Variants in CFAP61 observed in about 807,000 individuals in gnomAD.
CFAP61 encodes cilia and flagella associated protein 61.
In CFAP61, 107 loss-of-function variants were observed where a neutral mutation model predicts 135.6. The observed-to-expected ratio is 0.79, with a 90% CI of 0.67 to 0.93. The LOEUF (loss-of-function observed/expected upper bound fraction) is 0.93. Among genes scored for constraint, CFAP61 ranks in the 40% least tolerant of loss-of-function variants. The pLI, the probability that CFAP61 is intolerant of heterozygous loss-of-function variation, is 0.00. For synonymous variants in CFAP61, 575 were observed against 578.5 expected (o/e 0.99, Z 0.09); for missense variants, 1,507 against 1,556.2 (o/e 0.97, Z 0.53).
chr20:20,206,666 T>A (rs1024151716), intron 17 of CFAP61, among the ~76,000 whole-genome samples: 3 of 152,144 alleles, frequency 2.0e-5, no homozygotes, highest in Non-Finnish European at 4.4e-5. Flanking sequence ...CATGAGTTGA[T>A]GACATTTGAG....
At chr20:20,170,532 A>G (rs1312391700) in intron 13 of CFAP61, among the ~76,000 whole-genome samples, 1 of 152,196 alleles carries the variant, frequency 6.6e-6, no homozygotes, top group Non-Finnish European at 1.5e-5. Context: ...TTTTTACAAA[A>G]TGTTCTGAGG....
chr20:20,144,475 A>C (rs968257682), intron 9 of CFAP61, among the ~76,000 whole-genome samples: 4 of 152,206 alleles, frequency 2.6e-5, no homozygotes, highest in Non-Finnish European at 5.9e-5. Context: ...TGCAGATGAA[A>C]GATTAGTGAA....
chr20:20,202,294 C>T (rs1034702412), intron 17 of CFAP61, among the ~76,000 whole-genome samples: 1 of 152,156 alleles, frequency 6.6e-6, no homozygotes, highest in Admixed American at 6.5e-5. Flanking sequence ...CTACCTGCTG[C>T]TCGTGCTATT....
At chr20:20,182,471 A>G (rs2055174939) in intron 13 of CFAP61, among the ~76,000 whole-genome samples, 1 of 151,976 alleles carries the variant, frequency 6.6e-6, no homozygotes, top group Admixed American at 6.6e-5. Context: ...TTATTTCTCA[A>G]AATATGGTCT....
At chr20:20,188,093 AC>A in intron 14 of CFAP61, 37 bp downstream of exon 14, 1 of 1,610,706 alleles carries the variant, frequency 6.2e-7, no homozygotes, top group Non-Finnish European at 8.5e-7. Flanking sequence ...AGGATATGGG[AC>A]CATTATGATG....
intron 25 of CFAP61, among the ~76,000 whole-genome samples, chr20:20,314,707 C>T (rs867555163): frequency 1.3e-3 from 161 of 123,622 alleles, no homozygotes; most frequent in Middle Eastern, 0.012. Context: ...CCACAACAGT[C>T]CCCAGAGTGT....
chr20:20,240,504 T>A (rs12625293), intron 18 of CFAP61, among the ~76,000 whole-genome samples: 9,944 of 151,758 alleles, frequency 0.066, 364 homozygotes, highest in Middle Eastern at 0.13. Context: ...GTACTCTCCT[T>A]CCCTCTTTGT....
intron 9 of CFAP61, among the ~76,000 whole-genome samples, chr20:20,151,918 T>C (rs1269518745): frequency 1.3e-5 from 2 of 150,470 alleles, no homozygotes; most frequent in East Asian, 3.9e-4. Context: ...CATCAGGTTA[T>C]CTAAAGTCAA....
At chr20:20,090,580 C>T (rs1046293346) in intron 6 of CFAP61, among the ~76,000 whole-genome samples, 3 of 151,060 alleles carry the variant, frequency 2.0e-5, no homozygotes, top group African/African-American at 7.3e-5. Context: ...GTCCCACCTA[C>T]TCGGGAGGCT....
chr20:20,224,764 G>C (rs949033936), intron 17 of CFAP61, among the ~76,000 whole-genome samples: 9 of 152,178 alleles, frequency 5.9e-5, no homozygotes, highest in African/African-American at 2.2e-4. Flanking sequence ...GAAATGTCTT[G>C]AAAGGATGTG....
Position 20,359,222 on chromosome 20 carries a change from A to T in CFAP61, c.3514-988A>T, listed in dbSNP as rs548564749. ...CTTTCTGAGCCCTACCTTTTTAAAT[A>T]TATCAATAAAATTTGACTTGATTGT... On this transcript the variant is annotated intron_variant, in intron 26 of 26. Coordinates refer to ENST00000245957, the MANE Select transcript of CFAP61 (RefSeq NM_015585.4). This position sits in a 1 kb window ranked among gnomAD's most constrained non-coding sequence, Gnocchi z 4.0. Among the ~76,000 whole-genome samples, 16 of 152,304 alleles carry T rather than the reference A, an allele frequency of 1.1e-4. No individual in the cohort carries two copies. Among genetic ancestry groups the T allele is most frequent in the Admixed American group, 5.2e-4 (8 of 15,304 alleles).
intron 13 of CFAP61, among the ~76,000 whole-genome samples, chr20:20,186,134 A>G (rs893941095): frequency 6.6e-6 from 1 of 152,230 alleles, no homozygotes; most frequent in Non-Finnish European, 1.5e-5. Context: ...AAACATTTGC[A>G]TCACCCAGAG....
At chr20:20,070,041 C>G (rs1172903709) in intron 2 of CFAP61, 1 of 253,324 alleles carries the variant, frequency 3.9e-6, no homozygotes, top group South Asian at 4.6e-5. Context: ...GGGTGGTAAA[C>G]TATATGCTGC....
At chr20:20,088,603 A>AT (rs1426227095) in intron 6 of CFAP61, among the ~76,000 whole-genome samples, 2 of 152,066 alleles carry the variant, frequency 1.3e-5, no homozygotes, top group African/African-American at 2.4e-5. Context: ...ACATGTGGGG[A>AT]TTATGGGAAC....
At position 20,096,793 on chromosome 20, in the gene CFAP61, A is replaced by G. The variant is rs554720884; in HGVS notation, c.700-1862A>G. Among the ~76,000 whole-genome samples the G allele has an allele frequency of 2.0e-5, 3 of 152,376 alleles. No homozygotes were observed. The South Asian group carries it at 6.2e-4, about 32-fold the overall frequency. On this transcript the variant is annotated intron_variant, in intron 7 of 26. Coordinates refer to ENST00000245957, the MANE Select transcript of CFAP61 (RefSeq NM_015585.4). ...TATGCAGCCTTTGTTCACGAGTGCA[A>G]ACAAGACAAACAATCACTTGTTATT...
At chr20:20,170,759 A>ATTTAGTACAT (rs1457615308) in intron 13 of CFAP61, among the ~76,000 whole-genome samples, 1 of 152,222 alleles carries the variant, frequency 6.6e-6, no homozygotes, top group Non-Finnish European at 1.5e-5. Flanking sequence ...TAGCAAATGA[A>ATTTAGTACAT]TTTAGTACAT....
chr20:20,065,823 G>C (rs909076977), intron 2 of CFAP61, among the ~76,000 whole-genome samples: 1 of 152,084 alleles, frequency 6.6e-6, no homozygotes, highest in Non-Finnish European at 1.5e-5. Flanking sequence ...AGTGGCGATC[G>C]GGGGGACAGA....
chr20:20,204,891 G>A (rs1432217352), intron 17 of CFAP61, among the ~76,000 whole-genome samples: 3 of 152,120 alleles, frequency 2.0e-5, no homozygotes, highest in Non-Finnish European at 4.4e-5. Context: ...TTCCCAGCCA[G>A]TTCCTATGTG....
intron 8 of CFAP61, among the ~76,000 whole-genome samples, chr20:20,133,396 A>G (rs553115769): frequency 6.6e-6 from 1 of 152,152 alleles, no homozygotes; most frequent in Non-Finnish European, 1.5e-5. Flanking sequence ...TTAGGAGGCT[A>G]TCTTGTACAG....
Sources: gnomAD v4.1 joint callset for allele counts (sites outside exome capture counted in the v4.1 genomes callset) on GRCh38, gnomAD v4.1.1 for gene constraint, Gnocchi (gnomAD v3.1) non-coding constraint, MANE v1.5 for transcripts, NCBI Gene and HGNC (gene_info 2026-07-23, HGNC 2026-07-21) for gene names.